TC2N: variants seen among roughly 807,000 people sequenced by gnomAD.
TC2N encodes tandem C2 domains, nuclear.
Under a neutral mutation model 61.9 loss-of-function variants are expected in TC2N, and 51 were observed. That is an observed-to-expected ratio of 0.82 (90% CI 0.66 to 1.04). TC2N has a LOEUF of 1.04. Ranked by LOEUF, TC2N falls within the 50% of genes least tolerant of loss-of-function variation. The pLI is 0.00. For missense variants in TC2N, 556 were observed against 566.7 expected, an observed-to-expected ratio of 0.98 and a Z score of 0.19; for synonymous variants, 204 against 192.6, an observed-to-expected ratio of 1.06 and a Z score of -0.49.
intron 1 of TC2N, among the ~76,000 whole-genome samples, chr14:91,824,473 C>G (rs1887402568): frequency 6.6e-6 from 1 of 152,216 alleles, no homozygotes; most frequent in African/African-American, 2.4e-5. Flanking sequence ...GTATTTCCTA[C>G]TACAGTGCCA....
intron 1 of TC2N, among the ~76,000 whole-genome samples, chr14:91,854,173 C>A (rs1032032945): frequency 6.6e-6 from 1 of 151,962 alleles, no homozygotes; most frequent in African/African-American, 2.4e-5. Context: ...TCTAAGAAAG[C>A]CATAGGGTTT....
intron 11 of TC2N, among the ~76,000 whole-genome samples, chr14:91,784,638 G>A (rs1468030009): frequency 6.6e-6 from 1 of 152,078 alleles, no homozygotes; most frequent in African/African-American, 2.4e-5. Context: ...GTTAACAAGT[G>A]TTATGTTGTT....
intron 11 of TC2N, among the ~76,000 whole-genome samples, chr14:91,784,354 AT>A (rs1595216346): frequency 6.6e-6 from 1 of 152,322 alleles, no homozygotes; most frequent in African/African-American, 2.4e-5. Context: ...ATAATAAATG[AT>A]AAAACAACAT....
intron 6 of TC2N, 44 bp from the exon 7 acceptor site, chr14:91,798,443 C>T (rs776863951): frequency 4.4e-5 from 46 of 1,046,430 alleles, no homozygotes; most frequent in Non-Finnish European, 6.4e-5. Context: ...CCATGCAATC[C>T]TTCTAACCCA....
intron 1 of TC2N, among the ~76,000 whole-genome samples, chr14:91,851,261 C>A (rs1490391328): frequency 6.6e-6 from 1 of 152,182 alleles, no homozygotes; most frequent in Admixed American, 6.5e-5. Context: ...ATAATGAAGA[C>A]CACTTTACAA....
chr14:91,797,952 A>G, intron 7 of TC2N, 51 bp from the exon 8 acceptor site: 1 of 1,177,578 alleles, frequency 8.5e-7, no homozygotes, highest in Non-Finnish European at 1.2e-6. Flanking sequence ...CCAACAATAC[A>G]AACATTTGAT....
intron 4 of TC2N, among the ~76,000 whole-genome samples, chr14:91,801,432 T>C (rs982008893): frequency 1.3e-5 from 2 of 152,160 alleles, no homozygotes; most frequent in East Asian, 1.9e-4. Flanking sequence ...GGCAGGAGGA[T>C]TGCTTCAGCC....
chr14:91,833,256 GTAAA>G (rs1887866041), intron 1 of TC2N, among the ~76,000 whole-genome samples: 1 of 152,012 alleles, frequency 6.6e-6, no homozygotes, highest in Non-Finnish European at 1.5e-5. Context: ...CATTTAAGAA[GTAAA>G]TAAATACATG....
Position 91,783,222 on chromosome 14 carries a change from A to T in TC2N, c.1363-12T>A. ...TCACTTATCCAAATCTGTAAAGGAAAGTATGTACAATCATTTAACTTGACA... is the reference window on the plus strand; with the variant it reads ...TCACTTATCCAAATCTGTAAAGGAATGTATGTACAATCATTTAACTTGACA... On this transcript the variant is annotated splice_polypyrimidine_tract_variant and intron_variant, in intron 11 of 11. Transcript: ENST00000435962. 1 of 1,441,208 alleles carries T rather than the reference A, an allele frequency of 6.9e-7. No individual in the cohort carries two copies. Among genetic ancestry groups the T allele is most frequent in the Non-Finnish European group, 9.7e-7 (1 of 1,026,334 alleles). The allele number at this position is 1,441,208 out of a possible 1,614,324, so 89.3% of individuals were successfully genotyped here. A position where few individuals can be genotyped will look rare whatever the true frequency, so the allele number is the denominator to read the frequency against.
At position 91,781,238 on chromosome 14, in the gene TC2N, T is replaced by C. The variant is rs1885110429; in HGVS notation, c.*1862A>G. 6.6e-6 allele frequency: 1 copy of C among 152,158 alleles called. No individual in the cohort carries two copies. Among genetic ancestry groups the C allele is most frequent in the Non-Finnish European group, 1.5e-5 (1 of 67,976 alleles). 9.4% of individuals were successfully genotyped at this position (152,158 alleles called of 1,614,324 possible). ...TTATCTAAAAGCCAGTAAATACATT[T>C]ACTTCTTTGGTACCCATTAAAATAG... On this transcript the variant is annotated 3_prime_UTR_variant, in exon 12 of 12. Transcript: ENST00000435962.
chr14:91,818,749 T>C (rs539085191), intron 1 of TC2N, among the ~76,000 whole-genome samples: 1 of 152,096 alleles, frequency 6.6e-6, no homozygotes, highest in Non-Finnish European at 1.5e-5. Flanking sequence ...GAAAATATAC[T>C]GGATGGGATT....
At chr14:91,830,248 A>G (rs1395276779) in intron 1 of TC2N, among the ~76,000 whole-genome samples, 2 of 152,228 alleles carry the variant, frequency 1.3e-5, no homozygotes, top group Non-Finnish European at 2.9e-5. Context: ...TTTTACACAG[A>G]TGTTCACAGC....
intron 1 of TC2N, among the ~76,000 whole-genome samples, chr14:91,815,932 T>A (rs10873414): frequency 6.6e-6 from 1 of 151,632 alleles, no homozygotes; most frequent in African/African-American, 2.4e-5. Flanking sequence ...ATAACCATAA[T>A]AGTATTATCA....
chr14:91,857,244 C>T (rs970918030), intron 1 of TC2N, among the ~76,000 whole-genome samples: 6 of 152,178 alleles, frequency 3.9e-5, no homozygotes, highest in Non-Finnish European at 5.9e-5. Flanking sequence ...CCTGGTACAC[C>T]CATAGTGTAT....
At chr14:91,835,327 C>T (rs1299301701) in intron 1 of TC2N, among the ~76,000 whole-genome samples, 1 of 152,172 alleles carries the variant, frequency 6.6e-6, no homozygotes, top group African/African-American at 2.4e-5. Flanking sequence ...TTTAACCATG[C>T]TGAAGTTACA....
intron 1 of TC2N, among the ~76,000 whole-genome samples, chr14:91,860,989 GT>G (rs1413238292): frequency 6.6e-6 from 1 of 152,208 alleles, no homozygotes; most frequent in African/African-American, 2.4e-5. Context: ...AGAAACTTCA[GT>G]TTTTCCCAGC....
intron 11 of TC2N, among the ~76,000 whole-genome samples, chr14:91,784,917 G>GT (rs1225803954): frequency 3.9e-5 from 6 of 152,016 alleles, no homozygotes; most frequent in Non-Finnish European, 8.8e-5. Context: ...AATTCTCATC[G>GT]TTTTTGAAGT....
intron 1 of TC2N, among the ~76,000 whole-genome samples, chr14:91,851,727 G>A (rs1440865347): frequency 6.6e-6 from 1 of 152,118 alleles, no homozygotes; most frequent in African/African-American, 2.4e-5. Flanking sequence ...GATCCAAGAA[G>A]CACACTAGCC....
At chr14:91,799,793 T>C (rs1886128047) in intron 5 of TC2N, among the ~76,000 whole-genome samples, 2 of 152,126 alleles carry the variant, frequency 1.3e-5, no homozygotes, top group Admixed American at 1.3e-4. Context: ...TGCTTACTTC[T>C]ATTTCCTAAT....
Sources: gnomAD v4.1 joint callset for allele counts (sites outside exome capture counted in the v4.1 genomes callset) on GRCh38, gnomAD v4.1.1 for gene constraint, MANE v1.5 for transcripts, NCBI Gene and HGNC (gene_info 2026-07-23, HGNC 2026-07-21) for gene names.